Variants in NPC1 observed in about 807,000 individuals in gnomAD.
The protein encoded by NPC1 is NPC intracellular cholesterol transporter 1.
Under a neutral mutation model 140.4 loss-of-function variants are expected in NPC1, and 85 were observed. The ratio of observed to expected loss-of-function variants is 0.61; its 90% confidence interval spans 0.51 to 0.72. The LOEUF is 0.72. NPC1 is among the 30% of genes least tolerant of loss of function. The pLI is 0.00. For missense variants in NPC1, 1,504 were observed against 1,623.8 expected (o/e 0.93, Z 1.27); for synonymous variants, 656 against 624.8 (o/e 1.05, Z -0.74).
chr18:23,530,839 A>T (rs2058474814), downstream of NPC1, among the ~76,000 whole-genome samples: 2 of 152,300 alleles, frequency 1.3e-5, no homozygotes, highest in African/African-American at 4.8e-5. Flanking sequence ...TTGAGTCAAG[A>T]CACATTTAGG....
intron 1 of NPC1, among the ~76,000 whole-genome samples, chr18:23,577,818 C>T (rs757271002): frequency 7.2e-5 from 11 of 152,250 alleles, no homozygotes; most frequent in East Asian, 1.9e-4. Flanking sequence ...AGCGCAGCGC[C>T]GGTGGGCCGG....
At chr18:23,534,245 C>T (rs1259087070) in intron 23 of NPC1, 5 of 638,564 alleles carry the variant, frequency 7.8e-6, no homozygotes, top group Admixed American at 2.4e-5. Context: ...CACACTGCCA[C>T]CTAAAAAGGA....
At chr18:23,582,697 G>A (rs1275673787) in intron 1 of NPC1, among the ~76,000 whole-genome samples, 1 of 151,942 alleles carries the variant, frequency 6.6e-6, no homozygotes, top group Non-Finnish European at 1.5e-5. Flanking sequence ...CCAGCTACTC[G>A]GGAGGCTTGA....
At chr18:23,566,596 T>A (rs1221505036) in intron 4 of NPC1, among the ~76,000 whole-genome samples, 3 of 151,536 alleles carry the variant, frequency 2.0e-5, no homozygotes, top group African/African-American at 4.9e-5. Flanking sequence ...AATAAAATAC[T>A]TACACACACA....
chr18:23,541,437 T>C lies in NPC1; in HGVS notation c.2246-4A>G, dbSNP rs1054383421. The C allele has an allele frequency of 3.7e-6, 6 of 1,614,060 alleles. No homozygotes were observed. The African/African-American group carries it at 6.7e-5, about 18-fold the overall frequency. ...GCTGGCATCACGGACAATGCTCCTG[T>C]CGGGGAGAGAAGGGCTCTGCGTCAC... On this transcript the variant is annotated splice_region_variant and splice_polypyrimidine_tract_variant and intron_variant, in intron 14 of 24. Coordinates refer to ENST00000269228, the MANE Select transcript of NPC1 (RefSeq NM_000271.5).
At position 23,541,061 on chromosome 18, in the gene NPC1, C is replaced by T. The variant is rs764548800; in HGVS notation, c.2514+7G>A. The T allele has an allele frequency of 2.2e-5, 36 of 1,613,896 alleles. No homozygotes were observed. In the South Asian group the frequency reaches 2.9e-4, roughly 13 times the overall value. On this transcript the variant is annotated splice_region_variant and intron_variant, in intron 16 of 24. Transcript: ENST00000269228. ...AGGAAAGAGAAAAACCACAGATAAG[C>T]GCATACCACAATTGGTCTCATCCAG...
At chr18:23,521,194 A>G (rs1279777585), downstream of NPC1, among the ~76,000 whole-genome samples, 1 of 152,202 alleles carries the variant, frequency 6.6e-6, no homozygotes, top group Non-Finnish European at 1.5e-5. Context: ...TACTGATCCT[A>G]TAAGCTAAAA....
chr18:23,520,074 C>G, downstream of NPC1: 2 of 666,194 alleles, frequency 3.0e-6, no homozygotes, highest in South Asian at 3.6e-5. Flanking sequence ...CAAGTAAGAG[C>G]TAGCCTGTAG....
rs2058531295 is a variant in NPC1 at position 23,532,139 on chromosome 18, C to G, written c.*63G>C. On this transcript the variant is annotated 3_prime_UTR_variant, in exon 25 of 25. Coordinates refer to ENST00000269228, the MANE Select transcript of NPC1 (RefSeq NM_000271.5). ...TCAACTTGGCCTTGCCGATGCAGCA[C>G]CCGTCCAGTGGTAAACCGACCGACC... The G allele has an allele frequency of 2.4e-5, 39 of 1,614,058 alleles. No homozygotes were observed. In the South Asian group the frequency reaches 4.3e-4, roughly 18 times the overall value.
chr18:23,557,126 T>C lies in NPC1; in HGVS notation c.946A>G (p.Ser316Gly), dbSNP rs748432821. The C allele has an allele frequency of 1.2e-5, 20 of 1,612,798 alleles. No homozygotes were observed. The highest frequency in any genetic ancestry group is 1.0e-4 in the Admixed American group (6 of 60,008). The change falls in exon 7 of 25, where the codon AGT becomes GGT. Residue 316 changes from serine (S) to glycine (G), a missense_variant. By Grantham distance (56) the Ser-to-Gly change is moderately conservative (BLOSUM62 0). Coordinates refer to ENST00000269228, the MANE Select transcript of NPC1 (RefSeq NM_000271.5). ...GGACAAATATGCCTACCTTTGTCAC[T>C]TGCATTAACAGAAAAAGCTATATTG... ...DSNIAFSVNA[S>G]DKGEASCCDP...
rs2145603178 is a variant in NPC1 at position 23,586,181 on chromosome 18, A to G, written c.57+106T>C. On this transcript the variant is annotated intron_variant, in intron 1 of 24. Coordinates refer to ENST00000269228, the MANE Select transcript of NPC1 (RefSeq NM_000271.5). ...CTCCGAGCTCTCCATCGCCAGACCA[A>G]CTTCCCCAGGACCCGGGCCTGAGCC... 3.1e-6 allele frequency: 4 copies of G among 1,269,998 alleles called. No individual in the cohort carries two copies. In the South Asian group the frequency reaches 5.6e-5, roughly 18 times the overall value. The allele number at this position is 1,269,998 out of a possible 1,614,324, so 78.7% of individuals were successfully genotyped here. A position where few individuals can be genotyped will look rare whatever the true frequency, so the allele number is the denominator to read the frequency against.
At chr18:23,513,272 T>C (rs1199069794) in intron 3 of NPC1, among the ~76,000 whole-genome samples, 1 of 152,230 alleles carries the variant, frequency 6.6e-6, no homozygotes, top group Non-Finnish European at 1.5e-5. Context: ...TTACCTTTTA[T>C]ACTTCATATA....
intron 10 of NPC1, among the ~76,000 whole-genome samples, chr18:23,550,435 A>G (rs1219282103): frequency 8.8e-6 from 1 of 113,920 alleles, no homozygotes; most frequent in Non-Finnish European, 1.9e-5. Context: ...CTTAAAAATT[A>G]TTTTTAAAAA....
At position 23,562,980 on chromosome 18, in the gene NPC1, T is replaced by C. The variant is rs150718836; in HGVS notation, c.464-1453A>G. Among the ~76,000 whole-genome samples, 610 of 152,322 alleles carry C rather than the reference T, an allele frequency of 4.0e-3. 6 individuals carry two copies. The highest frequency in any genetic ancestry group is 0.014 in the African/African-American group (585 of 41,572). On this transcript the variant is annotated intron_variant, in intron 4 of 24. Coordinates refer to ENST00000269228, the MANE Select transcript of NPC1 (RefSeq NM_000271.5). The stretch of plus-strand genomic sequence containing the variant: ...TATGCAACTATCACCATAGTCAATT[T>C]TATAACATTTTCATCACCTCAAAAG...
intron 4 of NPC1, among the ~76,000 whole-genome samples, chr18:23,563,978 G>A (rs913574158): frequency 7.5e-6 from 1 of 132,840 alleles, no homozygotes; most frequent in African/African-American, 2.9e-5. Context: ...TTATCATTGA[G>A]TAGTAAGAGT....
chr18:23,575,526 G>C (rs568437396), intron 1 of NPC1, among the ~76,000 whole-genome samples: 279 of 152,128 alleles, frequency 1.8e-3, no homozygotes, highest in Non-Finnish European at 3.2e-3. Context: ...CTACCTCACA[G>C]GTTCCTGTGA....
downstream of NPC1, chr18:23,529,556 TG>T: frequency 1.5e-6 from 2 of 1,354,500 alleles, no homozygotes; most frequent in Non-Finnish European, 2.1e-6. Context: ...GGAAACAAGG[TG>T]GGGGTTGGAT....
intron 10 of NPC1, among the ~76,000 whole-genome samples, chr18:23,548,337 CTCT>C (rs903072238): frequency 5.5e-4 from 75 of 135,430 alleles, no homozygotes; most frequent in African/African-American, 2.5e-3. Context: ...GGAAGAGTAA[CTCT>C]TTTTTTTTTT....
chr18:23,531,752 T>G lies in NPC1; in HGVS notation c.*450A>C, dbSNP rs770456820. The stretch of plus-strand genomic sequence containing the variant: ...TAAAAATGTGTACAAAGTTAATTTA[T>G]TGCATTAATAAAGCTCTTTAAACTA... On this transcript the variant is annotated 3_prime_UTR_variant, in exon 25 of 25. Coordinates refer to ENST00000269228, the MANE Select transcript of NPC1 (RefSeq NM_000271.5). The G allele has an allele frequency of 4.4e-6, 7 of 1,587,902 alleles. No homozygotes were observed. The highest frequency in any genetic ancestry group is 6.0e-6 in the Non-Finnish European group (7 of 1,172,024).
Sources: gnomAD v4.1 joint callset for allele counts (sites outside exome capture counted in the v4.1 genomes callset) on GRCh38, gnomAD v4.1.1 for gene constraint, MANE v1.5 for transcripts, NCBI Gene and HGNC (gene_info 2026-07-23, HGNC 2026-07-21) for gene names.